CDH18: variants seen among roughly 807,000 people sequenced by gnomAD.
CDH18 encodes cadherin-18.
A neutral mutation model predicts 67.9 loss-of-function variants in CDH18; 31 were observed. The observed-to-expected ratio is 0.46, with a 90% CI of 0.34 to 0.62. The LOEUF (loss-of-function observed/expected upper bound fraction) is 0.62. Ranked by LOEUF, CDH18 falls within the 20% of genes least tolerant of loss-of-function variation. The pLI, the probability that CDH18 is intolerant of heterozygous loss-of-function variation, is 0.01. For synonymous variants in CDH18, 362 were observed against 347.2 expected (o/e 1.04, Z -0.48); for missense variants, 890 against 975.5 (o/e 0.91, Z 1.17).
intron 1 of CDH18, among the ~76,000 whole-genome samples, chr5:20,338,821 T>G (rs1392742198): frequency 6.6e-6 from 1 of 152,164 alleles, no homozygotes; most frequent in Non-Finnish European, 1.5e-5. Context: ...GCTATTCCAG[T>G]GTCTCTTCAG....
intron 1 of CDH18, among the ~76,000 whole-genome samples, chr5:20,294,838 C>T (rs753103396): frequency 2.0e-5 from 3 of 152,006 alleles, no homozygotes; most frequent in Non-Finnish European, 2.9e-5. Context: ...TATATATATA[C>T]ACACATACAT....
intron 1 of CDH18, among the ~76,000 whole-genome samples, chr5:20,519,311 T>A (rs1264680693): frequency 6.6e-6 from 1 of 152,114 alleles, no homozygotes; most frequent in African/African-American, 2.4e-5. Context: ...TGAGTTCCTG[T>A]TCTTTGTAGG....
chr5:20,197,125 C>T (rs2126738003), intron 2 of CDH18, among the ~76,000 whole-genome samples: 1 of 152,236 alleles, frequency 6.6e-6, no homozygotes, highest in Middle Eastern at 3.4e-3. Context: ...AATTCTTCTG[C>T]CTCAGCCACC....
chr5:20,250,982 C>CT (rs1743816299), intron 2 of CDH18, among the ~76,000 whole-genome samples: 1 of 152,112 alleles, frequency 6.6e-6, no homozygotes, highest in Non-Finnish European at 1.5e-5. Flanking sequence ...GCATGTAACT[C>CT]TGTTAATTTG....
intron 2 of CDH18, among the ~76,000 whole-genome samples, chr5:20,142,822 T>C (rs1466159972): frequency 6.6e-6 from 1 of 152,122 alleles, no homozygotes; most frequent in Non-Finnish European, 1.5e-5. Context: ...ACCATGCCAA[T>C]ATCTTGATCA....
At chr5:19,481,895 C>A (rs1237999347) in intron 12 of CDH18, among the ~76,000 whole-genome samples, 2 of 152,148 alleles carry the variant, frequency 1.3e-5, no homozygotes, top group African/African-American at 2.4e-5. Context: ...CAGGTCCCCA[C>A]TTGATGAAGC....
Position 20,171,430 on chromosome 5 carries a change from A to T in CDH18, c.-518+84014T>A, listed in dbSNP as rs1468383550. 2.0e-5 allele frequency among the ~76,000 whole-genome samples: 3 copies of T among 151,810 alleles called. No individual in the cohort carries two copies. In the East Asian group the frequency reaches 5.8e-4, roughly 29 times the overall value. ...TCTGAGTCATGAAATATGGTACTTCATTGTGGTTTTGATTTGCATTTCTCT... is the reference window on the plus strand; with the variant it reads ...TCTGAGTCATGAAATATGGTACTTCTTTGTGGTTTTGATTTGCATTTCTCT... On this transcript the variant is annotated intron_variant, in intron 2 of 14. Coordinates refer to the CDH18 transcript ENST00000507958.
chr5:19,792,970 G>A (rs1305033780), intron 3 of CDH18, among the ~76,000 whole-genome samples: 1 of 152,088 alleles, frequency 6.6e-6, no homozygotes, highest in Non-Finnish European at 1.5e-5. Context: ...TACCATTGTT[G>A]TCATAGCCTT....
At chr5:20,344,316 C>T (rs1014139093) in intron 1 of CDH18, among the ~76,000 whole-genome samples, 2 of 152,050 alleles carry the variant, frequency 1.3e-5, no homozygotes, top group Middle Eastern at 3.2e-3. Flanking sequence ...GCTTCTCTCC[C>T]CTGGAACCCA....
chr5:20,509,852 T>C (rs1237260763), intron 1 of CDH18, among the ~76,000 whole-genome samples: 1 of 152,214 alleles, frequency 6.6e-6, no homozygotes. Context: ...GCAGTGAACA[T>C]GGGAGTGCAT....
chr5:20,087,717 G>T (rs1023101919), intron 2 of CDH18, among the ~76,000 whole-genome samples: 1 of 152,156 alleles, frequency 6.6e-6, no homozygotes, highest in African/African-American at 2.4e-5. Flanking sequence ...ATGCTATTTT[G>T]CACTTAATAC....
intron 2 of CDH18, among the ~76,000 whole-genome samples, chr5:19,855,233 A>G (rs1784139790): frequency 6.6e-6 from 1 of 152,062 alleles, no homozygotes; most frequent in Non-Finnish European, 1.5e-5. Flanking sequence ...GTTTATAAGA[A>G]GATGATTTAA....
intron 2 of CDH18, among the ~76,000 whole-genome samples, chr5:20,158,152 A>T (rs2126600219): frequency 6.6e-6 from 1 of 152,298 alleles, no homozygotes; most frequent in East Asian, 1.9e-4. Flanking sequence ...TTAATGTCTT[A>T]AATAATTTTA....
Position 20,390,759 on chromosome 5 carries a change from T to C in CDH18, c.-579-135254A>G, listed in dbSNP as rs184361323. Among the ~76,000 whole-genome samples, 295 of 152,248 alleles carry C rather than the reference T, an allele frequency of 1.9e-3. 1 individual carries two copies. The highest frequency in any genetic ancestry group is 6.8e-3 in the African/African-American group (282 of 41,562). ...ACCCAAATGTCCATCAATGATAGAC[T>C]GGATTAAGAAAATGTGGCACATATA... On this transcript the variant is annotated intron_variant, in intron 1 of 14. Transcript: ENST00000507958.
chr5:19,616,109 AAGTT>A (rs1430977071), intron 5 of CDH18, among the ~76,000 whole-genome samples: 3 of 152,184 alleles, frequency 2.0e-5, no homozygotes, highest in Admixed American at 6.5e-5. Context: ...GTGTTGAAAT[AAGTT>A]AGGGGAAAAT....
At chr5:20,483,988 A>G (rs941932588) in intron 1 of CDH18, among the ~76,000 whole-genome samples, 1 of 152,048 alleles carries the variant, frequency 6.6e-6, no homozygotes, top group East Asian at 1.9e-4. Flanking sequence ...AACAAAGTGA[A>G]GAGACAATCC....
intron 5 of CDH18, among the ~76,000 whole-genome samples, chr5:19,612,869 G>A (rs1357254871): frequency 2.0e-5 from 3 of 152,016 alleles, no homozygotes; most frequent in South Asian, 4.2e-4. Flanking sequence ...GGCCGGATGC[G>A]GTGGCTCACG....
In CDH18 at chr5:19,671,273, G is replaced by A. The variant is rs374704693; in HGVS notation, c.643+50074C>T. 1.2e-4 allele frequency among the ~76,000 whole-genome samples: 19 copies of A among 152,102 alleles called. No homozygotes were observed. In the East Asian group the frequency reaches 1.7e-3, roughly 14 times the overall value. On this transcript the variant is annotated intron_variant, in intron 5 of 12. Transcript: ENST00000382275. ...TGTGCTTTTGTTTCATCCAATCTAA[G>A]ATTATTTAAATAGAATTTGCTCTTC...
At chr5:19,629,277 C>T (rs144074092) in intron 5 of CDH18, among the ~76,000 whole-genome samples, 1 of 152,196 alleles carries the variant, frequency 6.6e-6, no homozygotes, top group African/African-American at 2.4e-5. Flanking sequence ...AGGTAAAGAT[C>T]AGTGAAGAGA....
Sources: allele counts gnomAD v4.1 joint callset (sites outside exome capture counted in the v4.1 genomes callset), GRCh38; gene constraint gnomAD v4.1.1; transcripts MANE v1.5; gene names NCBI Gene and HGNC (gene_info 2026-07-23, HGNC 2026-07-21).